FLCN: variants seen among roughly 807,000 people sequenced by gnomAD.
The protein encoded by FLCN is BHD skin lesion fibrofolliculoma protein.
Under a neutral mutation model 62.5 loss-of-function variants are expected in FLCN, and 22 were observed. That is an observed-to-expected ratio of 0.35 (90% CI 0.25 to 0.50). FLCN has a LOEUF of 0.50. Among genes scored for constraint, FLCN ranks in the 20% least tolerant of loss-of-function variants. The pLI is 0.97. For missense variants in FLCN, 657 were observed against 778.0 expected (o/e 0.84, Z 1.85); for synonymous variants, 319 against 310.0 (o/e 1.03, Z -0.30).
At chr17:17,223,052 G>A (rs2047143049) in intron 6 of FLCN, 1 of 340,406 alleles carries the variant, frequency 2.9e-6, no homozygotes, top group Non-Finnish European at 5.8e-6. Context: ...AAGGCCCTCA[G>A]CACCATCTGT....
chr17:17,219,875 T>C (rs1221878634), intron 8 of FLCN: 10 of 153,350 alleles, frequency 6.5e-5, no homozygotes, highest in Admixed American at 6.5e-4. Flanking sequence ...TGTGCGGCTT[T>C]GTTACAAGGG....
intron 8 of FLCN, 65 bp from the exon 9 acceptor site, chr17:17,219,274 G>C (rs2047018200): frequency 6.9e-7 from 1 of 1,441,690 alleles, no homozygotes; most frequent in South Asian, 1.1e-5. Context: ...TTCAGCCCAA[G>C]ATACTTCATG....
At chr17:17,230,229 GGA>G (rs1372587886) in intron 3 of FLCN, among the ~76,000 whole-genome samples, 1 of 152,168 alleles carries the variant, frequency 6.6e-6, no homozygotes, top group African/African-American at 2.4e-5. Flanking sequence ...AAATTAGCTA[GGA>G]GAGGCCGGCA....
rs373345164 is a variant in FLCN at position 17,236,654 on chromosome 17, CCT to C, written c.-228+256_-228+257del. ...ACTGGGAGAAGAGGATGACACACAC[CCT>C]CTCCTCCAAACAGAGCGAAGACAAA... On this transcript the variant is annotated intron_variant, in intron 1 of 13. Coordinates refer to ENST00000285071, the MANE Select transcript of FLCN (RefSeq NM_144997.7). 1.3e-4 allele frequency among the ~76,000 whole-genome samples: 20 copies of C among 152,254 alleles called. 1 individual carries two copies. The East Asian group carries it at 3.7e-3, about 28-fold the overall frequency.
At chr17:17,215,650 C>T (rs2046896488) in intron 11 of FLCN, among the ~76,000 whole-genome samples, 1 of 152,194 alleles carries the variant, frequency 6.6e-6, no homozygotes, top group Admixed American at 6.5e-5. Flanking sequence ...GGCCTGGAGA[C>T]GTTAAATAAC....
At position 17,228,443 on chromosome 17, in the gene FLCN, G is replaced by A. The variant is rs565937473; in HGVS notation, c.-24-282C>T. On this transcript the variant is annotated intron_variant, in intron 3 of 13. Transcript: ENST00000285071. ...ACAGAGCCACAGCCACAAAGCCAAC[G>A]GCGCTGGAAAGGAATGTCCTCAAGT... 471 of 425,006 alleles carry A rather than the reference G, an allele frequency of 1.1e-3. 4 individuals are homozygous for A. Among genetic ancestry groups the A allele is most frequent in the Middle Eastern group, 6.9e-3 (10 of 1,448 alleles). The allele number at this position is 425,006 out of a possible 1,614,324, so 26.3% of individuals were successfully genotyped here.
intron 4 of FLCN, 125 bp from the exon 5 acceptor site, chr17:17,226,447 A>G: frequency 9.0e-7 from 1 of 1,110,042 alleles, no homozygotes; most frequent in Non-Finnish European, 1.3e-6. Context: ...TGGCTTCCAG[A>G]TTTATACTTA....
intron 3 of FLCN, among the ~76,000 whole-genome samples, chr17:17,230,595 G>A (rs1010373553): frequency 2.0e-5 from 3 of 151,896 alleles, no homozygotes; most frequent in Admixed American, 6.6e-5. Context: ...GCGTGTTGGC[G>A]GTCACCTATA....
chr17:17,223,197 G>A (rs747452420), intron 6 of FLCN: 9 of 204,908 alleles, frequency 4.4e-5, no homozygotes, highest in Non-Finnish European at 8.1e-5. Flanking sequence ...GGGTTCAAGC[G>A]TTTCTCCTGC....
chr17:17,228,188 T>C (rs780421535), intron 3 of FLCN, 27 bp from the exon 4 acceptor site: 24 of 1,598,964 alleles, frequency 1.5e-5, no homozygotes, highest in Non-Finnish European at 1.9e-5. Context: ...ACATGTCAGC[T>C]TGCCAATGCC....
chr17:17,229,310 C>CAGTGTAAA (rs1567827121), intron 3 of FLCN: 1 of 152,276 alleles, frequency 6.6e-6, no homozygotes, highest in Non-Finnish European at 1.5e-5. Flanking sequence ...CCAGAGTCAC[C>CAGTGTAAA]CCAGTGACCA....
intron 13 of FLCN, among the ~76,000 whole-genome samples, chr17:17,214,587 T>C (rs2144825335): frequency 6.6e-6 from 1 of 151,608 alleles, no homozygotes; most frequent in African/African-American, 2.4e-5. Context: ...AGAGCCAAAC[T>C]CTGACTCAAA....
chr17:17,220,874 A>G (rs908872400), intron 8 of FLCN: 2 of 235,434 alleles, frequency 8.5e-6, no homozygotes, highest in East Asian at 1.9e-4. Flanking sequence ...GCCTGCAGAA[A>G]CACCTCGAAA....
Position 17,212,960 on chromosome 17 carries a change from G to A in FLCN, c.*695C>T, listed in dbSNP as rs775700421. 138 of 235,894 alleles carry A rather than the reference G, an allele frequency of 5.9e-4. No homozygotes were observed. Among genetic ancestry groups the A allele is most frequent in the Non-Finnish European group, 9.4e-4 (112 of 119,698 alleles). 14.6% of individuals were successfully genotyped at this position (235,894 alleles called of 1,614,324 possible). A position where few individuals can be genotyped will look rare whatever the true frequency, so the allele number is the denominator to read the frequency against. On this transcript the variant is annotated 3_prime_UTR_variant, in exon 14 of 14. Coordinates refer to ENST00000285071, the MANE Select transcript of FLCN (RefSeq NM_144997.7). ...GGATTGGGCAAGTCAGATGCTTGCC[G>A]ACCCCTCAGCAACCTGTCTTGTGCA...
At chr17:17,228,423 G>A (rs2047325546) in intron 3 of FLCN, 1 of 459,380 alleles carries the variant, frequency 2.2e-6, no homozygotes, top group Non-Finnish European at 4.0e-6. Context: ...CTGTGACAGA[G>A]CCACAGCCAC....
Position 17,213,513 on chromosome 17 carries a change from G to A in FLCN, c.*142C>T, listed in dbSNP as rs992529336. ...CACAGGCCCCAAACCTGACAGGGCC[G>A]AGCCCAGCCCTGATGGTTTCCCTTC... is the stretch of plus-strand genomic sequence containing the variant. On this transcript the variant is annotated 3_prime_UTR_variant, in exon 14 of 14. Coordinates refer to ENST00000285071, the MANE Select transcript of FLCN (RefSeq NM_144997.7). The A allele has an allele frequency of 1.6e-5, 19 of 1,166,066 alleles. No homozygotes were observed. In the Middle Eastern group the frequency reaches 8.2e-4, roughly 50 times the overall value. The allele number at this position is 1,166,066 out of a possible 1,614,324, so 72.2% of individuals were successfully genotyped here. A position where few individuals can be genotyped will look rare whatever the true frequency, so the allele number is the denominator to read the frequency against.
At position 17,216,522 on chromosome 17, in the gene FLCN, C is replaced by G; in HGVS notation, c.1177-19G>C. 1 of 1,613,496 alleles carries G rather than the reference C, an allele frequency of 6.2e-7. No homozygotes were observed. Among genetic ancestry groups the G allele is most frequent in the African/African-American group, 1.3e-5 (1 of 75,034 alleles). Reference sequence around the variant, plus strand: ...GCATGGTCTGAGGAGGACAGCAGGACTCAGACCAAGGACACGAGGAAGCCC... The same window carrying G: ...GCATGGTCTGAGGAGGACAGCAGGAGTCAGACCAAGGACACGAGGAAGCCC... On this transcript the variant is annotated intron_variant, in intron 10 of 13. Coordinates refer to ENST00000285071, the MANE Select transcript of FLCN (RefSeq NM_144997.7). This position sits in a 1 kb window ranked among gnomAD's most constrained non-coding sequence, Gnocchi z 4.0.
chr17:17,223,385 G>A (rs951189387), intron 6 of FLCN, among the ~76,000 whole-genome samples: 2 of 152,014 alleles, frequency 1.3e-5, no homozygotes, highest in Non-Finnish European at 2.9e-5. Context: ...GAGCCACTGC[G>A]CCCAGCCTAG....
chr17:17,234,707 G>C (rs2047530708), intron 1 of FLCN, among the ~76,000 whole-genome samples: 3 of 151,594 alleles, frequency 2.0e-5, no homozygotes, highest in Admixed American at 1.3e-4. Context: ...GCCGGGTGTG[G>C]TGGCTCATGC....
Sources: gnomAD v4.1 joint callset for allele counts (sites outside exome capture counted in the v4.1 genomes callset) on GRCh38, gnomAD v4.1.1 for gene constraint, Gnocchi (gnomAD v3.1) non-coding constraint, MANE v1.5 for transcripts, NCBI Gene and HGNC (gene_info 2026-07-23, HGNC 2026-07-21) for gene names.